NCOR1: variants seen among roughly 807,000 people sequenced by gnomAD.
The protein encoded by NCOR1 is protein phosphatase 1, regulatory subunit 109.
Under a neutral mutation model 288.1 loss-of-function variants are expected in NCOR1, and 63 were observed. The ratio of observed to expected loss-of-function variants is 0.22; its 90% CI spans 0.18 to 0.27. NCOR1 has a LOEUF of 0.27. Among genes scored for constraint, NCOR1 ranks in the 10% least tolerant of loss-of-function variants. NCOR1 has a pLI of 1.00. For missense variants in NCOR1, 2,397 were observed against 3,019.2 expected (o/e 0.79, Z 4.83); for synonymous variants, 1,007 against 1,065.9 (o/e 0.94, Z 1.08).
At chr17:16,148,227 G>A (rs2078295632) in intron 9 of NCOR1, among the ~76,000 whole-genome samples, 1 of 152,100 alleles carries the variant, frequency 6.6e-6, no homozygotes, top group Non-Finnish European at 1.5e-5. Context: ...CACACTGCCA[G>A]CTCAGTCTAC....
At chr17:16,033,899 A>G (rs186837228) in intron 45 of NCOR1, among the ~76,000 whole-genome samples, 1 of 151,764 alleles carries the variant, frequency 6.6e-6, no homozygotes, top group East Asian at 2.0e-4. Context: ...TCCGCCTCCC[A>G]GGTTCAAGTG....
rs2059350733 is a variant in NCOR1, at chr17:16,051,848, T to C, written c.6393-2860A>G. On this transcript the variant is annotated intron_variant, in intron 40 of 45. Transcript: ENST00000268712. ...AATTGCTTGAACCAGGAGGCAGACG[T>C]TGTGGTGAGCTGAGATCGCGCCATT... Among the ~76,000 whole-genome samples, 6 of 151,950 alleles carry C rather than the reference T, an allele frequency of 3.9e-5. 1 individual carries two copies. In the South Asian group the frequency reaches 1.2e-3, roughly 32 times the overall value.
At chr17:16,116,326 A>G (rs2071577912) in intron 18 of NCOR1, among the ~76,000 whole-genome samples, 1 of 152,228 alleles carries the variant, frequency 6.6e-6, no homozygotes, top group African/African-American at 2.4e-5. Context: ...GTAGAGTTAA[A>G]GCAAGTTTTT....
intron 11 of NCOR1, among the ~76,000 whole-genome samples, chr17:16,140,293 G>T (rs769088094): frequency 6.6e-5 from 10 of 152,176 alleles, no homozygotes; most frequent in Non-Finnish European, 1.5e-4. Flanking sequence ...TTTCAATCAT[G>T]TACTTTAGAG....
At chr17:16,072,723 T>C (rs564705544) in intron 28 of NCOR1, among the ~76,000 whole-genome samples, 2 of 152,344 alleles carry the variant, frequency 1.3e-5, no homozygotes, top group South Asian at 2.1e-4. Context: ...TAACCACACA[T>C]ATTTACAGTA....
At chr17:16,039,894 G>A (rs1462221630) in intron 43 of NCOR1, 6 of 454,196 alleles carry the variant, frequency 1.3e-5, no homozygotes, top group East Asian at 9.0e-5. Context: ...AGATTCAAGG[G>A]ATTCTCCTAC....
intron 20 of NCOR1, among the ~76,000 whole-genome samples, chr17:16,100,152 G>A (rs1044594286): frequency 5.9e-5 from 9 of 152,060 alleles, no homozygotes; most frequent in African/African-American, 1.9e-4. Context: ...TCTAGAATTT[G>A]CACCAATTTA....
intron 41 of NCOR1, among the ~76,000 whole-genome samples, chr17:16,047,356 T>G (rs1327615887): frequency 6.6e-6 from 1 of 152,184 alleles, no homozygotes. Flanking sequence ...TAGGAAGGAA[T>G]GAAGAAGCAG....
chr17:16,049,378 T>G, intron 40 of NCOR1: 2 of 154,514 alleles, frequency 1.3e-5, no homozygotes, highest in Non-Finnish European at 2.9e-5. Context: ...TTGAGTCGAC[T>G]GACCAGTTCT....
At chr17:16,075,430 CAAAGATAAA>C in intron 27 of NCOR1, 95 bp downstream of exon 27, 1 of 1,285,116 alleles carries the variant, frequency 7.8e-7, no homozygotes. Context: ...ATAGGCTCAG[CAAAGATAAA>C]CTGACTCCCA....
At chr17:16,130,139 C>T (rs1048328947) in intron 14 of NCOR1, among the ~76,000 whole-genome samples, 18 of 152,198 alleles carry the variant, frequency 1.2e-4, no homozygotes, top group Admixed American at 6.5e-4. Context: ...CCTCTGTATA[C>T]TGACCAGGCA....
rs1189435398 is a variant in NCOR1, at chr17:16,215,518, G to A, written c.-227C>T. ...GCCGCGGCTGCTGCTTCGCCACCTT[G>A]GCCGCCATCTTGACTCAACCCCTCT... On this transcript the variant is annotated 5_prime_UTR_variant, in exon 1 of 46. Transcript: ENST00000268712. 1.0e-5 allele frequency: 4 copies of A among 398,790 alleles called. No homozygotes were observed. The highest frequency in any genetic ancestry group is 2.1e-5 in the African/African-American group (1 of 48,600). 24.7% of individuals were successfully genotyped at this position (398,790 alleles called of 1,614,324 possible).
At chr17:16,182,318 A>G (rs1453754147) in intron 3 of NCOR1, among the ~76,000 whole-genome samples, 1 of 152,234 alleles carries the variant, frequency 6.6e-6, no homozygotes, top group Non-Finnish European at 1.5e-5. Flanking sequence ...TAATGTAATA[A>G]AATGTATACA....
chr17:16,114,637 A>C (rs2071168621), intron 18 of NCOR1, among the ~76,000 whole-genome samples: 2 of 152,058 alleles, frequency 1.3e-5, no homozygotes, highest in Admixed American at 1.3e-4. Context: ...TATAGGGTCT[A>C]TCCAAGTCCA....
At chr17:16,189,642 G>A (rs2087667602) in intron 2 of NCOR1, among the ~76,000 whole-genome samples, 1 of 151,940 alleles carries the variant, frequency 6.6e-6, no homozygotes, top group Admixed American at 6.6e-5. Context: ...AAAAATAATA[G>A]AACAGCATTT....
chr17:16,201,355 T>A (rs189059006), intron 1 of NCOR1, among the ~76,000 whole-genome samples: 3 of 152,224 alleles, frequency 2.0e-5, no homozygotes, highest in African/African-American at 7.2e-5. Flanking sequence ...TCCCAGCACT[T>A]TGGGAGGCCG....
chr17:16,068,437 T>C (rs1327512543), intron 31 of NCOR1: 2 of 279,472 alleles, frequency 7.2e-6, no homozygotes, highest in Admixed American at 5.0e-5. Flanking sequence ...ATTTTGTTTT[T>C]TGTATGACTT....
At chr17:16,084,006 T>C (rs1444565152) in intron 23 of NCOR1, 1 of 151,794 alleles carries the variant, frequency 6.6e-6, no homozygotes, top group Non-Finnish European at 1.5e-5. Flanking sequence ...ACAGATTGTT[T>C]CTGCCTCTGC....
intron 4 of NCOR1, among the ~76,000 whole-genome samples, chr17:16,170,114 T>TGTGTGTGTGTGC (rs1459222551): frequency 6.6e-6 from 1 of 151,658 alleles, no homozygotes; most frequent in African/African-American, 2.4e-5. Flanking sequence ...TTTCTGTGTG[T>TGTGTGTGTGTGC]GTGTGTGTGT....
Sources: gnomAD v4.1 joint callset for allele counts (sites outside exome capture counted in the v4.1 genomes callset) on GRCh38, gnomAD v4.1.1 for gene constraint, MANE v1.5 for transcripts, NCBI Gene and HGNC (gene_info 2026-07-23, HGNC 2026-07-21) for gene names.